The following PCDHGB1 variants were observed in gnomAD, a reference collection of about 807,000 sequenced individuals.
The protein encoded by PCDHGB1 is protocadherin gamma subfamily B, 1, also known as protocadherin gamma-B1.
Under a neutral mutation model 56.6 loss-of-function variants are expected in PCDHGB1, and 34 were observed. The observed-to-expected ratio is 0.60, with a 90% CI of 0.46 to 0.80. The LOEUF is 0.80. Ranked by LOEUF, PCDHGB1 falls within the 30% of genes least tolerant of loss-of-function variation. PCDHGB1 has a pLI of 0.00. For synonymous variants in PCDHGB1, 561 were observed against 505.9 expected (o/e 1.11, Z -1.46); for missense variants, 1,278 against 1,204.6 (o/e 1.06, Z -0.90).
chr5:141,500,271 C>T (rs936454651), intron 2 of PCDHGB1, among the ~76,000 whole-genome samples: 3 of 151,598 alleles, frequency 2.0e-5, no homozygotes, highest in African/African-American at 7.3e-5. Flanking sequence ...TGCAGTGGCG[C>T]AATCTCGGCT....
Position 141,365,829 on chromosome 5 carries a change from C to G in PCDHGB1, c.2409+13160C>G, listed in dbSNP as rs776903918. ...GCTGAAGACACATTTCAGGGGGCGC[C>G]CTTGTCCTCCTATGTATCCATTAAC... On this transcript the variant is annotated intron_variant, in intron 1 of 3. Coordinates refer to ENST00000523390, the MANE Select transcript of PCDHGB1 (RefSeq NM_018922.3). 3 of 1,613,964 alleles carry G rather than the reference C, an allele frequency of 1.9e-6. No individual in the cohort carries two copies. The South Asian group carries it at 3.3e-5, about 18-fold the overall frequency.
rs2233613 is a variant in PCDHGB1 at position 141,511,203 on chromosome 5, G to A, written c.*30G>A. 0.14 allele frequency: 222,603 copies of A among 1,611,360 alleles called. 15,640 individuals carry two copies. The highest frequency in any genetic ancestry group is 0.18 in the Admixed American group (10,873 of 59,374). ...GAGGCCAGGCCAAGAGCCACAGGGC[G>A]GCCTCTCCCCAACCAGCCCAGCTTC... On this transcript the variant is annotated 3_prime_UTR_variant, in exon 4 of 4. Transcript: ENST00000523390.
intron 1 of PCDHGB1, chr5:141,403,462 C>A: frequency 6.2e-7 from 1 of 1,614,050 alleles, no homozygotes; most frequent in South Asian, 1.1e-5. Flanking sequence ...TCCAGAGCTA[C>A]CAGCTCAGCC....
chr5:141,384,533 A>C, intron 1 of PCDHGB1: 2 of 1,614,240 alleles, frequency 1.2e-6, no homozygotes. Flanking sequence ...CTCAGCAGCA[A>C]CATGTCACTG....
chr5:141,451,532 G>T (rs1168984212), intron 1 of PCDHGB1, among the ~76,000 whole-genome samples: 1 of 152,180 alleles, frequency 6.6e-6, no homozygotes, highest in African/African-American at 2.4e-5. Flanking sequence ...AAAGGAGAGT[G>T]CCAGAGAGGG....
At position 141,361,482 on chromosome 5, in the gene PCDHGB1, C is replaced by T. The variant is rs759187963; in HGVS notation, c.2409+8813C>T. The stretch of plus-strand genomic sequence containing the variant: ...ACATCTCCGACGTCAACGATAATGC[C>T]CCAGTTTTCCAACAGACTTCCTACA... On this transcript the variant is annotated intron_variant, in intron 1 of 3. Coordinates refer to ENST00000523390, the MANE Select transcript of PCDHGB1 (RefSeq NM_018922.3). 1.4e-5 allele frequency: 23 copies of T among 1,613,870 alleles called. No homozygotes were observed. In the Admixed American group the frequency reaches 3.2e-4, roughly 22 times the overall value.
chr5:141,415,686 G>T, intron 1 of PCDHGB1: 2 of 1,535,424 alleles, frequency 1.3e-6, no homozygotes, highest in Middle Eastern at 1.7e-4. Flanking sequence ...GCGGCATGAT[G>T]GTGGAAAGTG....
chr5:141,383,036 G>T, intron 1 of PCDHGB1: 1 of 1,613,876 alleles, frequency 6.2e-7, no homozygotes, highest in Non-Finnish European at 8.5e-7. Flanking sequence ...TCCTTTGTGG[G>T]AGACATCGCC....
At position 141,421,815 on chromosome 5, in the gene PCDHGB1, A is replaced by C. The variant is rs746563152; in HGVS notation, c.2409+69146A>C. ...ATGGGGCCAAGAATCCAGAGCTAGTACTGGAGGGAAGCCTGGACCGAGAGA... is the reference window on the plus strand; with the variant it reads ...ATGGGGCCAAGAATCCAGAGCTAGTCCTGGAGGGAAGCCTGGACCGAGAGA... On this transcript the variant is annotated intron_variant, in intron 1 of 3. Coordinates refer to ENST00000523390, the MANE Select transcript of PCDHGB1 (RefSeq NM_018922.3). 4 of 1,613,764 alleles carry C rather than the reference A, an allele frequency of 2.5e-6. No individual in the cohort carries two copies. The South Asian group carries it at 3.3e-5, about 13-fold the overall frequency.
At position 141,351,582 on chromosome 5, in the gene PCDHGB1, T is replaced by C; in HGVS notation, c.1322T>C (p.Ile441Thr). 4 of 1,614,014 alleles carry C rather than the reference T, an allele frequency of 2.5e-6. No individual in the cohort carries two copies. Among genetic ancestry groups the C allele is most frequent in the Non-Finnish European group, 3.4e-6 (4 of 1,179,896 alleles). ...RTSITLHISD[I>T]NDNAPVFHQA... Reference sequence around the variant, plus strand: ...AGCATCACCCTGCACATCTCCGACATCAACGACAATGCACCTGTTTTCCAT... The same window carrying C: ...AGCATCACCCTGCACATCTCCGACACCAACGACAATGCACCTGTTTTCCAT... The change falls in exon 1 of 4, where the codon ATC becomes ACC. Residue 441 changes from isoleucine to threonine, a missense_variant. Physicochemically the swap from Ile to Thr is moderately conservative, Grantham distance 89. Transcript: ENST00000523390.
At chr5:141,404,142 CAGA>C (rs781433913) in intron 1 of PCDHGB1, 21 of 1,612,668 alleles carry the variant, frequency 1.3e-5, no homozygotes, top group Middle Eastern at 1.6e-4. Context: ...TTAGAAAATT[CAGA>C]AGAAGATTAT....
At chr5:141,500,615 A>G (rs1341597957) in intron 2 of PCDHGB1, among the ~76,000 whole-genome samples, 1 of 152,232 alleles carries the variant, frequency 6.6e-6, no homozygotes, top group East Asian at 1.9e-4. Flanking sequence ...ATTCCCAGTC[A>G]TACGGTACAT....
intron 1 of PCDHGB1, chr5:141,374,688 G>T (rs750510871): frequency 1.2e-6 from 2 of 1,609,528 alleles, no homozygotes; most frequent in South Asian, 2.2e-5. Context: ...ACACTGGACC[G>T]GGAAGGAGAA....
At position 141,392,979 on chromosome 5, in the gene PCDHGB1, C is replaced by A. The variant is rs1356713892; in HGVS notation, c.2409+40310C>A. 1.9e-6 allele frequency: 3 copies of A among 1,613,718 alleles called. No individual in the cohort carries two copies. In the South Asian group the frequency reaches 3.3e-5, roughly 18 times the overall value. ...TATCTCCAAGGACCTGGGGCTGGACCCCCGGAAGCTGGCGAAGCACGGAGT... is the reference window on the plus strand; with the variant it reads ...TATCTCCAAGGACCTGGGGCTGGACACCCGGAAGCTGGCGAAGCACGGAGT... On this transcript the variant is annotated intron_variant, in intron 1 of 3. Transcript: ENST00000523390.
intron 1 of PCDHGB1, chr5:141,393,114 CG>C: frequency 6.2e-7 from 1 of 1,613,418 alleles, no homozygotes; most frequent in Non-Finnish European, 8.5e-7. Flanking sequence ...TCAGAGCCCG[CG>C]GTGTCTGATA....
In PCDHGB1 at chr5:141,471,046, CTTT is replaced by C. The variant is rs1170588345; in HGVS notation, c.2410-23743_2410-23741del. ...ATTTTTATTAACAAGCCCAAGCCCT[CTTT>C]TTTTTTTTTTTTTTTTTGAGACAGG... On this transcript the variant is annotated intron_variant, in intron 1 of 3. Coordinates refer to ENST00000523390, the MANE Select transcript of PCDHGB1 (RefSeq NM_018922.3). 4.8e-4 allele frequency among the ~76,000 whole-genome samples: 54 copies of C among 113,240 alleles called. 1 individual carries two copies. Among genetic ancestry groups the C allele is most frequent in the Middle Eastern group, 5.2e-3 (1 of 192 alleles). 74.3% of individuals were successfully genotyped at this position (113,240 alleles called of 152,430 possible).
intron 1 of PCDHGB1, chr5:141,375,567 C>A (rs767430191): frequency 1.2e-6 from 2 of 1,614,076 alleles, no homozygotes. Flanking sequence ...GCAGAAGACA[C>A]CCTCCAGGGG....
intron 1 of PCDHGB1, chr5:141,414,805 C>T (rs1464881022): frequency 1.2e-6 from 2 of 1,614,224 alleles, no homozygotes; most frequent in Middle Eastern, 1.6e-4. Flanking sequence ...CAGCGGGGAT[C>T]CTCCACTCAG....
chr5:141,434,924 A>G (rs2097731722), intron 1 of PCDHGB1, among the ~76,000 whole-genome samples: 1 of 151,756 alleles, frequency 6.6e-6, no homozygotes, highest in African/African-American at 2.4e-5. Context: ...ATGTACATAT[A>G]TTTTATATAA....
Sources: gnomAD v4.1 joint callset for allele counts (sites outside exome capture counted in the v4.1 genomes callset) on GRCh38, gnomAD v4.1.1 for gene constraint, MANE v1.5 for transcripts, NCBI Gene and HGNC (gene_info 2026-07-23, HGNC 2026-07-21) for gene names.